Variants in NFIA observed in about 807,000 individuals in gnomAD.
NFIA encodes the protein nuclear factor I A.
Under a neutral mutation model 62.8 loss-of-function variants are expected in NFIA, and 8 were observed. That is an observed-to-expected ratio of 0.13 (90% confidence interval 0.07 to 0.23). The LOEUF (loss-of-function observed/expected upper bound fraction) is 0.23. Among genes scored for constraint, NFIA ranks in the 10% least tolerant of loss-of-function variants. The probability of loss-of-function intolerance (pLI) is 1.00; values close to 1 mark genes in which losing one functional copy is unlikely to be tolerated. For missense variants in NFIA, 410 were observed against 642.1 expected (o/e 0.64, Z 3.91); for synonymous variants, 235 against 238.1 (o/e 0.99, Z 0.12).
At chr1:61,139,841 G>C (rs1171652062) in intron 2 of NFIA, among the ~76,000 whole-genome samples, 2 of 144,088 alleles carry the variant, frequency 1.4e-5, no homozygotes, top group Non-Finnish European at 3.0e-5. Context: ...ATCTCCCACG[G>C]AGGTATAACA....
intron 2 of NFIA, among the ~76,000 whole-genome samples, chr1:61,273,427 T>C (rs956345386): frequency 1.3e-5 from 2 of 152,120 alleles, no homozygotes; most frequent in African/African-American, 4.8e-5. Flanking sequence ...GGATATGCCC[T>C]ATATTCCCTT....
intron 3 of NFIA, among the ~76,000 whole-genome samples, chr1:61,278,707 C>T (rs1657960323): frequency 6.6e-6 from 1 of 152,132 alleles, no homozygotes; most frequent in Non-Finnish European, 1.5e-5. Context: ...AGGAGAATTG[C>T]TTGAACCTGG....
chr1:61,423,001 C>T (rs1666703707), intron 9 of NFIA, among the ~76,000 whole-genome samples: 2 of 152,086 alleles, frequency 1.3e-5, no homozygotes, highest in South Asian at 4.1e-4. Context: ...GGGGGTAACA[C>T]AGAAAGAATG....
intron 10 of NFIA, among the ~76,000 whole-genome samples, chr1:61,436,202 C>G (rs975397045): frequency 8.5e-5 from 13 of 152,244 alleles, no homozygotes; most frequent in Admixed American, 6.5e-4. Context: ...ACCAAACAGG[C>G]AGCAATAGGT....
intron 6 of NFIA, among the ~76,000 whole-genome samples, chr1:61,375,187 A>G (rs929030260): frequency 5.9e-5 from 9 of 152,224 alleles, no homozygotes; most frequent in Non-Finnish European, 1.2e-4. Context: ...ACTAGAGTGC[A>G]GTATAGCTCT....
At chr1:61,103,810 A>G (rs921315550) in intron 2 of NFIA, among the ~76,000 whole-genome samples, 1 of 152,128 alleles carries the variant, frequency 6.6e-6, no homozygotes, top group African/African-American at 2.4e-5. Flanking sequence ...ATGGATTTCT[A>G]TTTCTTCACC....
At chr1:61,211,849 A>G (rs1281236930) in intron 2 of NFIA, among the ~76,000 whole-genome samples, 1 of 152,080 alleles carries the variant, frequency 6.6e-6, no homozygotes, top group South Asian at 2.1e-4. Flanking sequence ...GGCATGCACC[A>G]CCACACCTGG....
intron 3 of NFIA, among the ~76,000 whole-genome samples, chr1:61,332,168 T>C (rs1030744331): frequency 6.6e-6 from 1 of 152,222 alleles, no homozygotes; most frequent in African/African-American, 2.4e-5. Context: ...TCCTAGTGAT[T>C]CTTAGATATG....
At chr1:61,294,444 C>T (rs146033015) in intron 3 of NFIA, among the ~76,000 whole-genome samples, 7 of 152,278 alleles carry the variant, frequency 4.6e-5, no homozygotes, top group African/African-American at 1.7e-4. Context: ...CTTACACTTG[C>T]TGTTTCACCA....
chr1:61,131,268 T>G (rs1328943889), intron 2 of NFIA, among the ~76,000 whole-genome samples: 2 of 151,972 alleles, frequency 1.3e-5, no homozygotes, highest in Non-Finnish European at 2.9e-5. Flanking sequence ...AGTAACTAAA[T>G]GTGATGTTAT....
intron 2 of NFIA, among the ~76,000 whole-genome samples, chr1:61,256,576 T>C (rs1656412929): frequency 6.6e-6 from 1 of 152,150 alleles, no homozygotes; most frequent in Non-Finnish European, 1.5e-5. Flanking sequence ...CCCTAAGTGT[T>C]GTTCATTTTA....
intron 3 of NFIA, among the ~76,000 whole-genome samples, chr1:61,298,425 G>C (rs1011505788): frequency 6.6e-6 from 1 of 151,956 alleles, no homozygotes; most frequent in Non-Finnish European, 1.5e-5. Flanking sequence ...ATGGACTAAC[G>C]TACTACCCTT....
chr1:61,259,349 C>A (rs959080242), intron 2 of NFIA, among the ~76,000 whole-genome samples: 1 of 152,148 alleles, frequency 6.6e-6, no homozygotes, highest in South Asian at 2.1e-4. Context: ...AAATCTTGCC[C>A]GGACTGGCCC....
intron 3 of NFIA, among the ~76,000 whole-genome samples, chr1:61,323,081 C>T (rs1396262102): frequency 6.6e-6 from 1 of 152,184 alleles, no homozygotes; most frequent in Non-Finnish European, 1.5e-5. Flanking sequence ...AGAAGGCCAA[C>T]AGTGTGTAAG....
chr1:61,091,849 G>T (rs1269615751), intron 2 of NFIA, among the ~76,000 whole-genome samples: 8 of 142,046 alleles, frequency 5.6e-5, no homozygotes, highest in East Asian at 2.0e-4. Context: ...GAGAGTTGTT[G>T]TTTTTTTTTT....
chr1:61,411,976 A>G (rs571600618), intron 9 of NFIA, among the ~76,000 whole-genome samples: 14 of 152,010 alleles, frequency 9.2e-5, no homozygotes, highest in Non-Finnish European at 1.9e-4. Context: ...ACCGGTTCTT[A>G]TAGGCTCTTA....
chr1:61,199,266 A>G (rs372967402), intron 2 of NFIA, among the ~76,000 whole-genome samples: 93 of 152,368 alleles, frequency 6.1e-4, no homozygotes, highest in African/African-American at 2.0e-3. Flanking sequence ...AGTAACAACA[A>G]AATTTAATGA....
chr1:61,246,997 T>C (rs1213654858), intron 2 of NFIA, among the ~76,000 whole-genome samples: 1 of 152,234 alleles, frequency 6.6e-6, no homozygotes, highest in African/African-American at 2.4e-5. Flanking sequence ...TGTCAGTCTC[T>C]TAACCATTTT....
chr1:61,119,981 T>G (rs1341217595), intron 2 of NFIA, among the ~76,000 whole-genome samples: 5 of 152,236 alleles, frequency 3.3e-5, no homozygotes, highest in Non-Finnish European at 5.9e-5. Flanking sequence ...GTTCATTACC[T>G]GCATGTAGGT....
Sources: gnomAD v4.1 joint callset for allele counts (sites outside exome capture counted in the v4.1 genomes callset) on GRCh38, gnomAD v4.1.1 for gene constraint, MANE v1.5 for transcripts, NCBI Gene and HGNC (gene_info 2026-07-23, HGNC 2026-07-21) for gene names.